Variants in PFKFB1 observed in about 807,000 individuals in gnomAD.
PFKFB1 encodes the protein 6-phosphofructo-2-kinase/fructose-2,6-bisphosphatase 1.
PFKFB1 carries 34 observed loss-of-function variants against 46.4 expected under a neutral mutation model. The ratio of observed to expected loss-of-function variants is 0.73; its 90% confidence interval spans 0.56 to 0.98. PFKFB1 has a LOEUF of 0.98. PFKFB1 is among the 50% of genes least tolerant of loss of function. The pLI, the probability that PFKFB1 is intolerant of heterozygous loss-of-function variation, is 0.00. For synonymous variants in PFKFB1, 119 were observed against 133.8 expected, an observed-to-expected ratio of 0.89 and a Z score of 0.76; for missense variants, 393 against 376.3, an observed-to-expected ratio of 1.04 and a Z score of -0.37.
rs375637110 is a variant in PFKFB1, at chrX:54,976,036, A to C, written c.98-12654T>G. ...ATGTAAAATATTGGATATGCCAATT[A>C]GTTTTTAGTTACATCACAAAAAGCA... is the stretch of plus-strand genomic sequence containing the variant. On this transcript the variant is annotated intron_variant, in intron 1 of 13. Transcript: ENST00000375006. Among the ~76,000 whole-genome samples the C allele has an allele frequency of 6.3e-4, 71 of 111,885 alleles. No individual in the cohort carries two copies. The South Asian group carries it at 0.025, about 40-fold the overall frequency.
At chrX:54,984,208 C>T (rs1036681178) in intron 1 of PFKFB1, among the ~76,000 whole-genome samples, 1 of 111,473 alleles carries the variant, frequency 9.0e-6, no homozygotes, top group Non-Finnish European at 1.9e-5. Flanking sequence ...TGCAATAAGG[C>T]AATAAAAGGA....
intron 1 of PFKFB1, among the ~76,000 whole-genome samples, chrX:54,973,912 C>T (rs781305455): frequency 1.4e-3 from 152 of 110,566 alleles, no homozygotes; most frequent in African/African-American, 4.8e-3. Context: ...GGTATAACAC[C>T]AATAAAACAT....
At position 54,960,902 on chromosome X, in the gene PFKFB1, T is replaced by C. The variant is rs1362208113; in HGVS notation, c.239A>G (p.Gln80Arg). 2 of 1,182,702 alleles carry C rather than the reference T, an allele frequency of 1.7e-6. No individual in the cohort carries two copies. The highest frequency in any genetic ancestry group is 2.3e-6 in the Non-Finnish European group (2 of 872,698). ...GTPTKVFNLG[Q>R]YRREAVSYKN... The stretch of plus-strand genomic sequence containing the variant: ...GTAGCTCACTGCCTCTCGTCGATAC[T>C]GGCCTAAATTAAACACTGAAAGCAG... Residue 80 changes from glutamine to arginine, a missense_variant, in exon 3 of 14, where the codon CAG becomes CGG. Transcript: ENST00000375006.
intron 1 of PFKFB1, among the ~76,000 whole-genome samples, chrX:54,974,572 G>T (rs1346140925): frequency 9.0e-6 from 1 of 111,546 alleles, no homozygotes; most frequent in East Asian, 2.8e-4. Context: ...GAGCCCAAAA[G>T]CAAATGCAAC....
rs149390516 is a variant in PFKFB1, at chrX:54,985,606, A to G, written c.97+8305T>C. On this transcript the variant is annotated intron_variant, in intron 1 of 13. Transcript: ENST00000375006. ...AGGTAATTCAAACCCACAGGAACAA[A>G]TGAAAATAATAGAAAATAATAAATA... Among the ~76,000 whole-genome samples the G allele has an allele frequency of 6.5e-3, 726 of 111,375 alleles. 7 individuals carry two copies. Among genetic ancestry groups the G allele is most frequent in the African/African-American group, 0.022 (666 of 30,759 alleles).
At chrX:54,973,177 G>T (rs750021852) in intron 1 of PFKFB1, among the ~76,000 whole-genome samples, 1 of 111,147 alleles carries the variant, frequency 9.0e-6, no homozygotes, top group Non-Finnish European at 1.9e-5. Context: ...CTGTGGGATC[G>T]GTGGTGATAT....
intron 1 of PFKFB1, among the ~76,000 whole-genome samples, chrX:54,985,296 G>A (rs915991727): frequency 1.8e-5 from 2 of 111,397 alleles, no homozygotes; most frequent in African/African-American, 6.5e-5. Context: ...GGCAATGCAT[G>A]CTTCAGGACA....
At chrX:54,973,961 T>C (rs1020624988) in intron 1 of PFKFB1, among the ~76,000 whole-genome samples, 5 of 111,447 alleles carry the variant, frequency 4.5e-5, no homozygotes, top group Non-Finnish European at 9.4e-5. Flanking sequence ...CAAAATGTTG[T>C]TAAAAAATCA....
chrX:54,962,047 G>T (rs1212926442), intron 2 of PFKFB1, among the ~76,000 whole-genome samples: 1 of 111,429 alleles, frequency 9.0e-6, no homozygotes, highest in African/African-American at 3.3e-5. Flanking sequence ...AGGCCAAGGG[G>T]ACCTTTGGAG....
At chrX:54,945,005 T>A (rs57501607) in intron 10 of PFKFB1, among the ~76,000 whole-genome samples, 1,314 of 112,077 alleles carry the variant, frequency 0.012, 53 homozygotes, top group Admixed American at 0.11. Flanking sequence ...ATGGTCTGGT[T>A]CATGTAGTGG....
chrX:54,969,147 G>A (rs144864438), intron 1 of PFKFB1, among the ~76,000 whole-genome samples: 132 of 111,501 alleles, frequency 1.2e-3, no homozygotes, highest in African/African-American at 4.1e-3. Flanking sequence ...AAGTTCATGT[G>A]TTGGAACTTA....
At chrX:54,981,200 G>A (rs1461697409) in intron 1 of PFKFB1, among the ~76,000 whole-genome samples, 1 of 110,373 alleles carries the variant, frequency 9.1e-6, no homozygotes, top group African/African-American at 3.3e-5. Flanking sequence ...AAGAATTGAT[G>A]AAAGATACCA....
At chrX:54,965,122 T>G (rs192973244) in intron 1 of PFKFB1, among the ~76,000 whole-genome samples, 120 of 111,776 alleles carry the variant, frequency 1.1e-3, no homozygotes, top group African/African-American at 3.6e-3. Context: ...AGAAGAAATA[T>G]TTGAAGACAT....
intron 1 of PFKFB1, among the ~76,000 whole-genome samples, chrX:54,980,988 A>G (rs1388168833): frequency 9.0e-6 from 1 of 111,536 alleles, no homozygotes; most frequent in Non-Finnish European, 1.9e-5. Flanking sequence ...GAGAGCATTA[A>G]AATTAAAAAC....
intron 1 of PFKFB1, among the ~76,000 whole-genome samples, chrX:54,970,469 A>C: frequency 1.2e-5 from 1 of 85,575 alleles, no homozygotes; most frequent in Non-Finnish European, 2.3e-5. Context: ...TATATCTCCT[A>C]ATGCTATCCC....
At position 54,973,130 on chromosome X, in the gene PFKFB1, A is replaced by C. The variant is rs144218785; in HGVS notation, c.98-9748T>G. The stretch of plus-strand genomic sequence containing the variant: ...TAGATTTTCTAGTTTATTTGCATAG[A>C]GGTGTTCGTAGTATTCTCTGACGGT... On this transcript the variant is annotated intron_variant, in intron 1 of 13. Coordinates refer to ENST00000375006, the MANE Select transcript of PFKFB1 (RefSeq NM_002625.4). Among the ~76,000 whole-genome samples, 722 of 111,397 alleles carry C rather than the reference A, an allele frequency of 6.5e-3. 7 individuals are homozygous for C. The highest frequency in any genetic ancestry group is 0.022 in the African/African-American group (663 of 30,647).
intron 10 of PFKFB1, among the ~76,000 whole-genome samples, chrX:54,944,621 AT>A (rs1668753515): frequency 8.9e-6 from 1 of 112,006 alleles, no homozygotes; most frequent in Non-Finnish European, 1.9e-5. Context: ...GGCAAAAAGG[AT>A]TATCGAGGAG....
intron 1 of PFKFB1, among the ~76,000 whole-genome samples, chrX:54,981,439 T>A (rs1208558035): frequency 9.0e-6 from 1 of 111,584 alleles, no homozygotes; most frequent in African/African-American, 3.3e-5. Context: ...ACTGAAGTTC[T>A]ATGAGAAAAT....
At chrX:54,958,233 A>AATCTCACCTCTGCCTTAGGCATG (rs1272838147) in intron 6 of PFKFB1, 73 bp downstream of exon 6, 3 of 609,381 alleles carry the variant, frequency 4.9e-6, no homozygotes, top group Admixed American at 2.8e-5. Context: ...CCTTAGGCAT[A>AATCTCACCTCTGCCTTAGGCATG]ATCTCACCTC....
Sources: gnomAD v4.1 joint callset for allele counts (sites outside exome capture counted in the v4.1 genomes callset) on GRCh38, gnomAD v4.1.1 for gene constraint, MANE v1.5 for transcripts, NCBI Gene and HGNC (gene_info 2026-07-23, HGNC 2026-07-21) for gene names.